The following MYOM1 variants were observed in gnomAD, a reference collection of about 807,000 sequenced individuals.
MYOM1 encodes myomesin-1.
In MYOM1, 164 loss-of-function variants were observed where a neutral mutation model predicts 205.3. The observed-to-expected ratio is 0.80, with a 90% CI of 0.70 to 0.91. The LOEUF (loss-of-function observed/expected upper bound fraction) is 0.91, where lower values mean the gene tolerates loss of function less well. Among genes scored for constraint, MYOM1 ranks in the 40% least tolerant of loss-of-function variants. The pLI is 0.00. For missense variants in MYOM1, 2,011 were observed against 2,127.3 expected (o/e 0.95, Z 1.08); for synonymous variants, 772 against 789.4 (o/e 0.98, Z 0.37).
Position 3,135,528 on chromosome 18 carries a change from G to T in MYOM1, c.2209+19C>A. On this transcript the variant is annotated intron_variant, in intron 15 of 37. Transcript: ENST00000356443. This position sits in a 1 kb window ranked among gnomAD's most constrained non-coding sequence, Gnocchi z 4.1. ...TTTGAAATTTTCTCTTGAAGTAAAA[G>T]AAGTTTACAGTTGCTTACCAAGTTT... 3 of 1,604,508 alleles carry T rather than the reference G, an allele frequency of 1.9e-6. No individual in the cohort carries two copies. The highest frequency in any genetic ancestry group is 1.3e-5 in the African/African-American group (1 of 74,564).
At chr18:3,191,902 T>C (rs966377419) in intron 3 of MYOM1, among the ~76,000 whole-genome samples, 20 of 152,186 alleles carry the variant, frequency 1.3e-4, no homozygotes, top group Admixed American at 3.9e-4. Flanking sequence ...TTCACCGTGT[T>C]AGCCAGGATG....
chr18:3,203,213 T>A (rs1714245805), intron 2 of MYOM1, among the ~76,000 whole-genome samples: 1 of 150,736 alleles, frequency 6.6e-6, no homozygotes, highest in African/African-American at 2.4e-5. Context: ...ACTAATAATT[T>A]AAGCTTCCAT....
intron 2 of MYOM1, among the ~76,000 whole-genome samples, chr18:3,204,206 C>T (rs1348632162): frequency 2.0e-5 from 3 of 151,976 alleles, no homozygotes; most frequent in Admixed American, 6.6e-5. Flanking sequence ...CAATGATCTG[C>T]TCTTGCCACT....
At chr18:3,223,982 A>T (rs1408754064), upstream of MYOM1, among the ~76,000 whole-genome samples, 1 of 151,802 alleles carries the variant, frequency 6.6e-6, no homozygotes, top group East Asian at 1.9e-4. Flanking sequence ...TCATCTAGTT[A>T]TTAAATGACC....
chr18:3,187,447 T>C, intron 5 of MYOM1, 33 bp downstream of exon 5: 1 of 1,602,650 alleles, frequency 6.2e-7, no homozygotes. Context: ...CTTGGTGTAA[T>C]GAATTCTGTT....
the MYOM1 span, chr18:3,246,483 A>C: frequency 6.6e-6 from 1 of 152,228 alleles, no homozygotes; most frequent in Admixed American, 6.5e-5. Flanking sequence ...TGGGAAACAG[A>C]TCACTTTTGT....
At chr18:3,136,977 G>C (rs1161750283) in intron 14 of MYOM1, among the ~76,000 whole-genome samples, 1 of 149,350 alleles carries the variant, frequency 6.7e-6, no homozygotes, top group East Asian at 2.0e-4. Context: ...TTGAGACGGA[G>C]TCTCGCTGGG....
chr18:3,223,100 C>T (rs1300471753), upstream of MYOM1, among the ~76,000 whole-genome samples: 1 of 152,124 alleles, frequency 6.6e-6, no homozygotes, highest in Non-Finnish European at 1.5e-5. Flanking sequence ...AGGATGGTCT[C>T]GAACTCCTGA....
intron 21 of MYOM1, among the ~76,000 whole-genome samples, chr18:3,114,953 T>G (rs1412133206): frequency 1.3e-5 from 2 of 149,140 alleles, no homozygotes; most frequent in African/African-American, 4.9e-5. Context: ...TAAACTCTAC[T>G]TTTTTTTTTC....
At chr18:3,124,309 T>TTTC (rs2079745241) in intron 19 of MYOM1, among the ~76,000 whole-genome samples, 2 of 148,378 alleles carry the variant, frequency 1.3e-5, no homozygotes, top group South Asian at 4.3e-4. Flanking sequence ...TTTTCTTTTT[T>TTTC]TTTTTTTTTG....
chr18:3,115,820 G>A (rs540697063), intron 21 of MYOM1, among the ~76,000 whole-genome samples: 4 of 152,296 alleles, frequency 2.6e-5, no homozygotes, highest in Admixed American at 2.0e-4. Context: ...GGATAAGGGG[G>A]TTGAGTGAAC....
intron 27 of MYOM1, 50 bp from the exon 28 acceptor site, chr18:3,089,646 T>G: frequency 6.8e-7 from 1 of 1,473,318 alleles, no homozygotes; most frequent in Non-Finnish European, 9.4e-7. Context: ...GTGGTATAAA[T>G]GCACATGTCA....
chr18:3,165,370 T>C (rs1598737121), intron 9 of MYOM1, among the ~76,000 whole-genome samples: 1 of 152,352 alleles, frequency 6.6e-6, no homozygotes, highest in South Asian at 2.1e-4. Context: ...ATGATTTGTA[T>C]AAAATTCAGG....
At chr18:3,226,927 T>C in the MYOM1 span, among the ~76,000 whole-genome samples, 2 of 152,184 alleles carry the variant, frequency 1.3e-5, no homozygotes, top group Admixed American at 6.5e-5. The surrounding 1 kb of genome is among the most constrained non-coding windows in gnomAD (Gnocchi z 4.6). Context: ...GGACAACTGC[T>C]GTGAGCCCCT....
chr18:3,246,031 G>GT, the MYOM1 span: 3 of 152,282 alleles, frequency 2.0e-5, no homozygotes, highest in Non-Finnish European at 4.4e-5. Context: ...TGCGGTTGCT[G>GT]TTTAATACCT....
At chr18:3,117,809 T>C (rs2079627934) in intron 20 of MYOM1, among the ~76,000 whole-genome samples, 2 of 152,328 alleles carry the variant, frequency 1.3e-5, no homozygotes, top group South Asian at 4.1e-4. Context: ...AATATTTGTT[T>C]GGCCCTTTAC....
intron 37 of MYOM1, among the ~76,000 whole-genome samples, chr18:3,069,518 C>T (rs1338984566): frequency 6.6e-6 from 1 of 152,048 alleles, no homozygotes; most frequent in African/African-American, 2.4e-5. Flanking sequence ...GTTTTTCTCC[C>T]ATCACTAATT....
chr18:3,220,997 G>A (rs972440914), upstream of MYOM1, among the ~76,000 whole-genome samples: 2 of 152,150 alleles, frequency 1.3e-5, no homozygotes, highest in Non-Finnish European at 2.9e-5. Flanking sequence ...TACATCAACT[G>A]AATAAAGGTC....
At chr18:3,182,512 A>G (rs2080750166) in intron 5 of MYOM1, among the ~76,000 whole-genome samples, 2 of 152,190 alleles carry the variant, frequency 1.3e-5, no homozygotes, top group African/African-American at 4.8e-5. Flanking sequence ...ATTTCACATA[A>G]TGTTTAAAAT....
Sources: gnomAD v4.1 joint callset for allele counts (sites outside exome capture counted in the v4.1 genomes callset) on GRCh38, gnomAD v4.1.1 for gene constraint, Gnocchi (gnomAD v3.1) non-coding constraint, MANE v1.5 for transcripts, NCBI Gene and HGNC (gene_info 2026-07-23, HGNC 2026-07-21) for gene names.